Variants in RBM47 observed in about 807,000 individuals in gnomAD.
RBM47 encodes the protein RNA binding motif protein 47.
RBM47 carries 21 observed loss-of-function variants against 47.1 expected under a neutral mutation model. That is an observed-to-expected ratio of 0.45 (90% CI 0.32 to 0.64). The LOEUF is 0.64. Among genes scored for constraint, RBM47 ranks in the 30% least tolerant of loss-of-function variants. RBM47 has a pLI of 0.05. For synonymous variants in RBM47, 375 were observed against 361.7 expected (o/e 1.04, Z -0.42); for missense variants, 708 against 870.9 (o/e 0.81, Z 2.35).
intron 2 of RBM47, among the ~76,000 whole-genome samples, chr4:40,484,279 T>C (rs1720801061): frequency 6.6e-6 from 1 of 152,210 alleles, no homozygotes; most frequent in Non-Finnish European, 1.5e-5. Flanking sequence ...CTGTAACATA[T>C]ATGACTTTGA....
rs56005602 is a variant in RBM47 at position 40,539,739 on chromosome 4, C to CAAAAAAAAAAA, written c.-155+4672_-155+4682dup. The stretch of plus-strand genomic sequence containing the variant: ...TGGGCGACAGAGCAAGACTCTGTCT[C>CAAAAAAAAAAA]AAAAAAAAAAAAAAAAAAAAAAAAA... On this transcript the variant is annotated intron_variant, in intron 2 of 6. Coordinates refer to ENST00000295971, the MANE Select transcript of RBM47 (RefSeq NM_001098634.2). Among the ~76,000 whole-genome samples the CAAAAAAAAAAA allele has an allele frequency of 4.3e-4, 24 of 56,330 alleles. 1 individual carries two copies. Among genetic ancestry groups the CAAAAAAAAAAA allele is most frequent in the African/African-American group, 1.7e-3 (24 of 14,478 alleles). 37.0% of individuals were successfully genotyped at this position (56,330 alleles called of 152,430 possible).
chr4:40,470,226 C>T (rs1718651647), intron 2 of RBM47, among the ~76,000 whole-genome samples: 1 of 152,100 alleles, frequency 6.6e-6, no homozygotes, highest in African/African-American at 2.4e-5. Context: ...TCCCCCCGCC[C>T]CCCAGCCTGG....
chr4:40,480,223 C>A (rs1478662958), intron 2 of RBM47, among the ~76,000 whole-genome samples: 2 of 152,122 alleles, frequency 1.3e-5, no homozygotes, highest in Non-Finnish European at 2.9e-5. Flanking sequence ...GGTGATCCAT[C>A]TGCCTCGGCC....
intron 1 of RBM47, among the ~76,000 whole-genome samples, chr4:40,573,807 A>AAAAGAGAAAGAAAGAAAGAAAG (rs1553903541): frequency 1.5e-5 from 2 of 136,662 alleles, no homozygotes; most frequent in Non-Finnish European, 3.0e-5. Context: ...GAAAGAAAGA[A>AAAAGAGAAAGAAAGAAAGAAAG]AAAGAAAGAA....
intron 1 of RBM47, among the ~76,000 whole-genome samples, chr4:40,579,098 A>C (rs1488792861): frequency 6.9e-6 from 1 of 145,930 alleles, no homozygotes. Flanking sequence ...CAGCCTGGGC[A>C]ACAGAGCGAG....
chr4:40,504,290 C>CTTT (rs35482960), intron 2 of RBM47, among the ~76,000 whole-genome samples: 3 of 128,262 alleles, frequency 2.3e-5, no homozygotes, highest in African/African-American at 5.8e-5. Context: ...TTGTTTCCTT[C>CTTT]TTTTTTTTTT....
intron 1 of RBM47, among the ~76,000 whole-genome samples, chr4:40,590,399 A>G (rs1267815941): frequency 1.7e-4 from 26 of 152,062 alleles, no homozygotes; most frequent in Non-Finnish European, 4.4e-5. Flanking sequence ...TTTTTAAAAA[A>G]AAAACAAAAA....
chr4:40,502,344 T>C (rs1232751230), intron 2 of RBM47, among the ~76,000 whole-genome samples: 1 of 152,110 alleles, frequency 6.6e-6, no homozygotes. Context: ...AGAACGTCAT[T>C]TGATGAATAT....
chr4:40,615,563 C>A (rs1736649168), intron 1 of RBM47, among the ~76,000 whole-genome samples: 1 of 152,016 alleles, frequency 6.6e-6, no homozygotes. Flanking sequence ...GGTGGATCAC[C>A]TGAGGTCAGG....
intron 2 of RBM47, among the ~76,000 whole-genome samples, chr4:40,473,514 C>T (rs150599006): frequency 2.0e-4 from 30 of 152,258 alleles, no homozygotes; most frequent in African/African-American, 7.0e-4. Flanking sequence ...TTAAGGCCTA[C>T]CAGGTAGGAA....
intron 3 of RBM47, among the ~76,000 whole-genome samples, chr4:40,453,850 T>TA (rs903588262): frequency 1.1e-4 from 16 of 151,562 alleles, no homozygotes; most frequent in East Asian, 1.9e-4. Context: ...TTTTTTTTTT[T>TA]AAAAAAAGAA....
At chr4:40,482,778 A>T (rs939912607) in intron 2 of RBM47, among the ~76,000 whole-genome samples, 2 of 152,248 alleles carry the variant, frequency 1.3e-5, no homozygotes, top group African/African-American at 4.8e-5. Context: ...CAGGAGCTTG[A>T]TAAGCTAGCA....
At chr4:40,521,593 C>T (rs932616097) in intron 2 of RBM47, among the ~76,000 whole-genome samples, 1 of 152,154 alleles carries the variant, frequency 6.6e-6, no homozygotes, top group Non-Finnish European at 1.5e-5. Flanking sequence ...CTACTGTATA[C>T]CAAATTATGA....
rs528887820 is a variant in RBM47 at position 40,573,545 on chromosome 4, C to G, written c.-239-29039G>C. On this transcript the variant is annotated intron_variant, in intron 1 of 6. Coordinates refer to ENST00000295971, the MANE Select transcript of RBM47 (RefSeq NM_001098634.2). The stretch of plus-strand genomic sequence containing the variant: ...ATCACTTGAGGTCAAGAGTTCGAGA[C>G]CAGCCTGGCCAACATGGTGAAACCC... Among the ~76,000 whole-genome samples the G allele has an allele frequency of 2.9e-3, 443 of 151,926 alleles. 4 individuals are homozygous for G. Among genetic ancestry groups the G allele is most frequent in the African/African-American group, 0.01 (429 of 41,406 alleles).
At position 40,423,418 on chromosome 4, in the gene RBM47, A is replaced by G. The variant is rs1714617099; in HGVS notation, c.*2486T>C. 6.6e-6 allele frequency: 1 copy of G among 152,080 alleles called. No individual in the cohort carries two copies. The highest frequency in any genetic ancestry group is 1.5e-5 in the Non-Finnish European group (1 of 68,006). The allele number at this position is 152,080 out of a possible 1,614,324, so 9.4% of individuals were successfully genotyped here. A position where few individuals can be genotyped will look rare whatever the true frequency, so the allele number is the denominator to read the frequency against. On this transcript the variant is annotated 3_prime_UTR_variant, in exon 7 of 7. Coordinates refer to ENST00000295971, the MANE Select transcript of RBM47 (RefSeq NM_001098634.2). ...TAGCAATGTTTGAAAACAGAACTCT[A>G]AAACTTTTTTTTTACATTTATATAG...
chr4:40,583,388 GAAAAAAAAAAAAA>G (rs56371832), intron 1 of RBM47, among the ~76,000 whole-genome samples: 55 of 91,100 alleles, frequency 6.0e-4, no homozygotes, highest in Non-Finnish European at 9.7e-4. Context: ...CTCCATCTCA[GAAAAAAAAAAAAA>G]AAAAAAAAAA....
chr4:40,550,615 CA>C (rs553528533), intron 1 of RBM47, among the ~76,000 whole-genome samples: 108 of 152,182 alleles, frequency 7.1e-4, no homozygotes, highest in South Asian at 6.6e-3. Context: ...GATGGAGTTT[CA>C]CCATGTGGGC....
At chr4:40,596,436 T>C (rs1400487201) in intron 1 of RBM47, among the ~76,000 whole-genome samples, 2 of 152,136 alleles carry the variant, frequency 1.3e-5, no homozygotes, top group Non-Finnish European at 2.9e-5. Flanking sequence ...TTACTCAGTG[T>C]AGTGTGTGTG....
chr4:40,588,037 T>C (rs1382910007), intron 1 of RBM47, among the ~76,000 whole-genome samples: 1 of 152,186 alleles, frequency 6.6e-6, no homozygotes, highest in Non-Finnish European at 1.5e-5. Context: ...CCTGGCCAGT[T>C]CATGGGGCCC....
Sources: allele counts gnomAD v4.1 joint callset (sites outside exome capture counted in the v4.1 genomes callset), GRCh38; gene constraint gnomAD v4.1.1; transcripts MANE v1.5; gene names NCBI Gene and HGNC (gene_info 2026-07-23, HGNC 2026-07-21).